Variants in IGF2BP2 observed in about 807,000 individuals in gnomAD.
IGF2BP2 encodes insulin-like growth factor 2 mRNA-binding protein 2.
A neutral mutation model predicts 75.8 loss-of-function variants in IGF2BP2; 17 were observed. That is an observed-to-expected ratio of 0.22 (90% CI 0.15 to 0.34). IGF2BP2 has a LOEUF of 0.34. Among genes scored for constraint, IGF2BP2 ranks in the 10% least tolerant of loss-of-function variants. The pLI, the probability that IGF2BP2 is intolerant of heterozygous loss-of-function variation, is 1.00. For missense variants in IGF2BP2, 516 were observed against 772.4 expected, an observed-to-expected ratio of 0.67 and a Z score of 3.93; for synonymous variants, 288 against 295.6, an observed-to-expected ratio of 0.97 and a Z score of 0.26.
At chr3:185,744,211 G>T (rs986826137) in intron 2 of IGF2BP2, among the ~76,000 whole-genome samples, 1 of 152,168 alleles carries the variant, frequency 6.6e-6, no homozygotes, top group South Asian at 2.1e-4. Context: ...AGCCAAGTGA[G>T]GAACTCAGGA....
In IGF2BP2 at chr3:185,684,627, G is replaced by A. The variant is rs183597209; in HGVS notation, c.812+2430C>T. Among the ~76,000 whole-genome samples, 4 of 152,152 alleles carry A rather than the reference G, an allele frequency of 2.6e-5. No individual in the cohort carries two copies. In the East Asian group the frequency reaches 5.8e-4, roughly 22 times the overall value. On this transcript the variant is annotated intron_variant, in intron 7 of 15. Coordinates refer to ENST00000382199, the MANE Select transcript of IGF2BP2 (RefSeq NM_006548.6). ...ACTATATGTTGGACAGGCTGGTCTCGAACTCCTGGCCTCAAGTGATCCGCC... is the reference window on the plus strand; with the variant it reads ...ACTATATGTTGGACAGGCTGGTCTCAAACTCCTGGCCTCAAGTGATCCGCC...
intron 2 of IGF2BP2, among the ~76,000 whole-genome samples, chr3:185,726,983 C>T (rs1480328388): frequency 6.6e-6 from 1 of 152,140 alleles, no homozygotes; most frequent in Non-Finnish European, 1.5e-5. Context: ...CTTTGGGAGG[C>T]CAAGGCGGGT....
intron 2 of IGF2BP2, among the ~76,000 whole-genome samples, chr3:185,785,763 C>T (rs1735802620): frequency 6.6e-6 from 1 of 151,978 alleles, no homozygotes. Context: ...CAGTGAGCTA[C>T]AATGGGGCCA....
intron 2 of IGF2BP2, among the ~76,000 whole-genome samples, chr3:185,799,702 A>C (rs1165340845): frequency 6.6e-6 from 1 of 151,846 alleles, no homozygotes; most frequent in Non-Finnish European, 1.5e-5. Context: ...CAGTGAGCTG[A>C]GATTGCACAA....
intron 9 of IGF2BP2, among the ~76,000 whole-genome samples, chr3:185,672,880 C>T (rs1206419848): frequency 6.6e-6 from 1 of 152,134 alleles, no homozygotes; most frequent in East Asian, 1.9e-4. Context: ...GGCATGTCTA[C>T]ATATCTTGTC....
chr3:185,658,972 T>A (rs1715937662), intron 10 of IGF2BP2, among the ~76,000 whole-genome samples: 1 of 152,156 alleles, frequency 6.6e-6, no homozygotes, highest in Admixed American at 6.5e-5. Context: ...GACTGAGCTT[T>A]GGGAATCTGA....
intron 2 of IGF2BP2, among the ~76,000 whole-genome samples, chr3:185,764,473 A>C (rs1318122890): frequency 6.6e-6 from 1 of 152,204 alleles, no homozygotes; most frequent in East Asian, 1.9e-4. Context: ...CCAAGGCTGA[A>C]GCCTAGGGAG....
intron 2 of IGF2BP2, among the ~76,000 whole-genome samples, chr3:185,793,828 C>T (rs1736959798): frequency 6.6e-6 from 1 of 152,024 alleles, no homozygotes; most frequent in South Asian, 2.1e-4. Context: ...GATTCCCAGT[C>T]TTGGAATCTA....
chr3:185,818,029 A>G (rs898518130), intron 2 of IGF2BP2, among the ~76,000 whole-genome samples: 4 of 152,316 alleles, frequency 2.6e-5, no homozygotes, highest in African/African-American at 9.6e-5. Flanking sequence ...TTTAAATATA[A>G]TTTTTAAAAA....
intron 7 of IGF2BP2, among the ~76,000 whole-genome samples, chr3:185,677,056 T>TATATAG: frequency 1.8e-5 from 1 of 55,344 alleles, no homozygotes; most frequent in Admixed American, 2.1e-4. Context: ...TATATATATA[T>TATATAG]ATATATATAT....
intron 7 of IGF2BP2, among the ~76,000 whole-genome samples, chr3:185,686,021 G>A (rs984633808): frequency 4.6e-5 from 7 of 152,158 alleles, no homozygotes; most frequent in African/African-American, 2.4e-5. Flanking sequence ...TGTTTGGTAA[G>A]AACTGTATTT....
intron 2 of IGF2BP2, among the ~76,000 whole-genome samples, chr3:185,793,486 ACAGT>A (rs1394450925): frequency 3.3e-5 from 5 of 152,170 alleles, no homozygotes; most frequent in African/African-American, 1.2e-4. Flanking sequence ...TTTCAACCTG[ACAGT>A]CTGTGTGTGT....
At chr3:185,717,841 A>T (rs1725871769) in intron 2 of IGF2BP2, 1 of 152,264 alleles carries the variant, frequency 6.6e-6, no homozygotes, top group Non-Finnish European at 1.5e-5. Flanking sequence ...AGTAGGTACC[A>T]CTGAGAGTTT....
intron 2 of IGF2BP2, among the ~76,000 whole-genome samples, chr3:185,807,246 T>C (rs1739147110): frequency 6.6e-6 from 1 of 152,102 alleles, no homozygotes; most frequent in South Asian, 2.1e-4. Flanking sequence ...GAATCACTCT[T>C]CAGGGGAAAG....
At chr3:185,818,484 T>C (rs1298726982) in intron 2 of IGF2BP2, among the ~76,000 whole-genome samples, 2 of 152,214 alleles carry the variant, frequency 1.3e-5, no homozygotes, top group African/African-American at 2.4e-5. Flanking sequence ...TCTTGAGCCT[T>C]GTCAAGACTG....
At chr3:185,709,162 T>A (rs1348049668) in intron 2 of IGF2BP2, among the ~76,000 whole-genome samples, 1 of 152,236 alleles carries the variant, frequency 6.6e-6, no homozygotes, top group Admixed American at 6.5e-5. Context: ...TATAAATGTT[T>A]GCTTTGTGTG....
chr3:185,703,703 G>T (rs755836986), intron 2 of IGF2BP2, among the ~76,000 whole-genome samples: 1 of 152,144 alleles, frequency 6.6e-6, no homozygotes, highest in Non-Finnish European at 1.5e-5. Context: ...GAACCTGGGA[G>T]GTGGAGGCTG....
chr3:185,816,619 A>G (rs1740646571), intron 2 of IGF2BP2, among the ~76,000 whole-genome samples: 1 of 152,232 alleles, frequency 6.6e-6, no homozygotes, highest in Non-Finnish European at 1.5e-5. Context: ...CCTACTACTT[A>G]ATTAACAGTC....
chr3:185,723,819 C>T (rs552665260), intron 2 of IGF2BP2, among the ~76,000 whole-genome samples: 4 of 152,166 alleles, frequency 2.6e-5, no homozygotes, highest in African/African-American at 9.6e-5. Flanking sequence ...CTATACCTAG[C>T]CTTGAGGGAG....
Sources: allele counts gnomAD v4.1 joint callset (sites outside exome capture counted in the v4.1 genomes callset), GRCh38; gene constraint gnomAD v4.1.1; transcripts MANE v1.5; gene names NCBI Gene and HGNC (gene_info 2026-07-23, HGNC 2026-07-21).